SH3RF2: variants seen among roughly 807,000 people sequenced by gnomAD.
SH3RF2 encodes E3 ubiquitin-protein ligase SH3RF2.
In SH3RF2, 43 loss-of-function variants were observed where a neutral mutation model predicts 59.0. The observed-to-expected ratio is 0.73, with a 90% CI of 0.57 to 0.94. The LOEUF is 0.94. Among genes scored for constraint, SH3RF2 ranks in the 40% least tolerant of loss-of-function variants. The pLI, the probability that SH3RF2 is intolerant of heterozygous loss-of-function variation, is 0.00. For missense variants in SH3RF2, 930 were observed against 940.1 expected, an observed-to-expected ratio of 0.99 and a Z score of 0.14; for synonymous variants, 391 against 391.5, an observed-to-expected ratio of 1.00 and a Z score of 0.01.
intron 7 of SH3RF2, among the ~76,000 whole-genome samples, chr5:146,055,505 T>C (rs187111929): frequency 1.9e-4 from 29 of 152,250 alleles, no homozygotes; most frequent in African/African-American, 7.0e-4. Context: ...CAAATGTTTA[T>C]TGATCCACAG....
chr5:146,075,410 T>C (rs2150029750), intron 9 of SH3RF2, among the ~76,000 whole-genome samples: 1 of 151,722 alleles, frequency 6.6e-6, no homozygotes, highest in East Asian at 2.0e-4. Context: ...CTAGAGAGAT[T>C]AAAAAACGTC....
intron 2 of SH3RF2, among the ~76,000 whole-genome samples, chr5:145,945,940 T>C (rs1757993141): frequency 6.6e-6 from 1 of 152,218 alleles, no homozygotes; most frequent in Non-Finnish European, 1.5e-5. Flanking sequence ...GCAGTCTCCA[T>C]GTCCTTGGCA....
intron 9 of SH3RF2, among the ~76,000 whole-genome samples, chr5:146,073,605 C>T (rs143377001): frequency 6.6e-6 from 1 of 152,186 alleles, no homozygotes; most frequent in East Asian, 1.9e-4. Flanking sequence ...CATTTAAAGT[C>T]GCAGAATGTT....
chr5:146,013,922 C>T lies in SH3RF2; in HGVS notation c.920C>T (p.Thr307Ile), dbSNP rs144501234. ...TTTTCCATCACAACAGCCTTGAACA[C>T]TCTCAACCGGATGGTCCATTCTCCT... ...GQFSITTALN[T>I]LNRMVHSPSG... Residue 307 changes from threonine (T) to isoleucine (I), a missense_variant, in exon 5 of 10, where the codon ACT becomes ATT. By Grantham distance (89) the Thr-to-Ile change is moderately conservative. Coordinates refer to ENST00000359120, the MANE Select transcript of SH3RF2 (RefSeq NM_152550.4). The T allele has an allele frequency of 1.9e-6, 3 of 1,614,160 alleles. No individual in the cohort carries two copies. Among genetic ancestry groups the T allele is most frequent in the Non-Finnish European group, 2.5e-6 (3 of 1,180,026 alleles).
intron 5 of SH3RF2, among the ~76,000 whole-genome samples, chr5:146,019,010 T>C (rs6897800): frequency 0.31 from 47,132 of 152,068 alleles, 8,193 homozygotes; most frequent in Non-Finnish European, 0.39. Flanking sequence ...TTCTGGATAT[T>C]AGTCCTTTGT....
chr5:145,976,926 C>G (rs996391947), intron 2 of SH3RF2, among the ~76,000 whole-genome samples: 1 of 152,248 alleles, frequency 6.6e-6, no homozygotes, highest in Non-Finnish European at 1.5e-5. Context: ...CTAAGACTTA[C>G]TCATAAAGTA....
intron 2 of SH3RF2, among the ~76,000 whole-genome samples, chr5:145,986,566 G>A (rs1347787844): frequency 6.6e-6 from 1 of 152,130 alleles, no homozygotes; most frequent in Non-Finnish European, 1.5e-5. Context: ...GGTGCCCTGT[G>A]CCCTGGTGGA....
intron 2 of SH3RF2, among the ~76,000 whole-genome samples, chr5:145,938,830 G>A (rs1451000683): frequency 2.0e-5 from 3 of 152,216 alleles, no homozygotes; most frequent in African/African-American, 7.2e-5. Flanking sequence ...GATACTTGAC[G>A]CGGGAGATAG....
At chr5:145,998,212 TA>T (rs1760246164) in intron 2 of SH3RF2, among the ~76,000 whole-genome samples, 1 of 151,270 alleles carries the variant, frequency 6.6e-6, no homozygotes. Context: ...CAAACAATAT[TA>T]AATGATTGAT....
At chr5:145,937,650 G>C (rs1346571871) in intron 1 of SH3RF2, among the ~76,000 whole-genome samples, 173 bp from the exon 2 acceptor site, 1 of 152,152 alleles carries the variant, frequency 6.6e-6, no homozygotes, top group Non-Finnish European at 1.5e-5. Flanking sequence ...CTCACAGCAA[G>C]CACGAGTTGA....
intron 5 of SH3RF2, among the ~76,000 whole-genome samples, chr5:146,014,702 G>A (rs1761039566): frequency 6.6e-6 from 1 of 152,186 alleles, no homozygotes; most frequent in Non-Finnish European, 1.5e-5. Context: ...CCAGCCCTGG[G>A]TGTTTCCAGA....
At chr5:145,939,228 G>A (rs1044581543) in intron 2 of SH3RF2, among the ~76,000 whole-genome samples, 12 of 152,176 alleles carry the variant, frequency 7.9e-5, no homozygotes, top group Admixed American at 2.0e-4. Context: ...AAGTGGACAC[G>A]GAAAGCTGTG....
chr5:146,003,051 A>G (rs1760492063), intron 3 of SH3RF2, among the ~76,000 whole-genome samples: 1 of 152,210 alleles, frequency 6.6e-6, no homozygotes, highest in South Asian at 2.1e-4. Context: ...ATTCCTGAGG[A>G]GCATGGAACA....
intron 2 of SH3RF2, among the ~76,000 whole-genome samples, chr5:145,947,000 C>T (rs917796681): frequency 2.6e-5 from 4 of 151,922 alleles, no homozygotes; most frequent in Non-Finnish European, 5.9e-5. Flanking sequence ...TAAAATCTAC[C>T]ATGTTAGCCT....
At chr5:145,963,022 C>A (rs1039645018) in intron 2 of SH3RF2, among the ~76,000 whole-genome samples, 4 of 151,478 alleles carry the variant, frequency 2.6e-5, no homozygotes, top group African/African-American at 9.7e-5. Flanking sequence ...CTCAGCCACC[C>A]GAGTAGCTGG....
In SH3RF2 at chr5:146,054,840, C is replaced by G. The variant is rs543484250; in HGVS notation, c.1323-1141C>G. Among the ~76,000 whole-genome samples the G allele has an allele frequency of 2.6e-5, 4 of 152,266 alleles. No individual in the cohort carries two copies. The South Asian group carries it at 8.3e-4, about 32-fold the overall frequency. The stretch of plus-strand genomic sequence containing the variant: ...TTGGAGGCATTGGTAAGAAGGAAAC[C>G]ATTTGGCATCTCTGTGCCAGGGTCT... On this transcript the variant is annotated intron_variant, in intron 7 of 9. Coordinates refer to ENST00000359120, the MANE Select transcript of SH3RF2 (RefSeq NM_152550.4).
chr5:145,956,127 T>C (rs1758396688), intron 2 of SH3RF2, among the ~76,000 whole-genome samples: 2 of 152,100 alleles, frequency 1.3e-5, no homozygotes, highest in South Asian at 4.1e-4. Context: ...TCTCATAAGT[T>C]CTCAGGTAAT....
At chr5:146,064,864 G>GAAAA (rs59357428), downstream of SH3RF2, among the ~76,000 whole-genome samples, 1 of 69,092 alleles carries the variant, frequency 1.4e-5, no homozygotes, top group Non-Finnish European at 3.0e-5. Context: ...AAGAAAGAAA[G>GAAAA]AGAAAGAAAA....
rs746864227 is a variant in SH3RF2, at chr5:146,014,069, A to G, written c.1059+8A>G. 6.8e-6 allele frequency: 11 copies of G among 1,611,840 alleles called. 1 individual carries two copies. The Admixed American group carries it at 1.5e-4, about 22-fold the overall frequency. The stretch of plus-strand genomic sequence containing the variant: ...TCCAGCTGTGTGGGACAGGTAGGGA[A>G]GAAACGCCTGGGATGAGGGCACTTT... On this transcript the variant is annotated splice_region_variant and intron_variant, in intron 5 of 9. Coordinates refer to ENST00000359120, the MANE Select transcript of SH3RF2 (RefSeq NM_152550.4).
Sources: allele counts gnomAD v4.1 joint callset (sites outside exome capture counted in the v4.1 genomes callset), GRCh38; gene constraint gnomAD v4.1.1; transcripts MANE v1.5; gene names NCBI Gene and HGNC (gene_info 2026-07-23, HGNC 2026-07-21).